ULK4: variants seen among roughly 807,000 people sequenced by gnomAD.
ULK4 encodes the protein unc-51 like kinase 4.
A neutral mutation model predicts 160.6 loss-of-function variants in ULK4; 133 were observed. That is an observed-to-expected ratio of 0.83 (90% CI 0.72 to 0.96). The LOEUF is 0.96. Among genes scored for constraint, ULK4 ranks in the 40% least tolerant of loss-of-function variants. ULK4 has a pLI of 0.00. For missense variants in ULK4, 1,580 were observed against 1,499.5 expected (o/e 1.05, Z -0.89); for synonymous variants, 534 against 539.8 (o/e 0.99, Z 0.15).
chr3:41,398,517 G>A (rs1023722579), intron 34 of ULK4, among the ~76,000 whole-genome samples: 7 of 150,702 alleles, frequency 4.6e-5, no homozygotes, highest in Non-Finnish European at 1.5e-5. Flanking sequence ...CTGAGTAGCT[G>A]GGAATAAAGA....
intron 17 of ULK4, chr3:41,882,307 T>A (rs1227564275): frequency 1.4e-6 from 1 of 702,338 alleles, no homozygotes; most frequent in African/African-American, 1.7e-5. Flanking sequence ...AATAAATACA[T>A]AAAATGCCAG....
intron 5 of ULK4, among the ~76,000 whole-genome samples, chr3:41,929,960 C>T (rs1000659697): frequency 2.0e-5 from 3 of 152,170 alleles, no homozygotes; most frequent in Non-Finnish European, 2.9e-5. Context: ...CTACCATTGA[C>T]TTTCTTCACA....
intron 32 of ULK4, among the ~76,000 whole-genome samples, chr3:41,521,948 G>A (rs1251275300): frequency 6.6e-6 from 1 of 151,966 alleles, no homozygotes; most frequent in African/African-American, 2.4e-5. Flanking sequence ...TAACTTTTTT[G>A]GAAGATAGCT....
chr3:41,512,559 C>A (rs2085614460), intron 32 of ULK4, among the ~76,000 whole-genome samples: 1 of 152,070 alleles, frequency 6.6e-6, no homozygotes, highest in Non-Finnish European at 1.5e-5. Flanking sequence ...TCAGAATATA[C>A]CTAACCAAGG....
Position 41,567,601 on chromosome 3 carries a change from C to T in ULK4, c.3121-1471G>A, listed in dbSNP as rs142498757. 2.6e-3 allele frequency among the ~76,000 whole-genome samples: 391 copies of T among 151,974 alleles called. 2 individuals carry two copies. The highest frequency in any genetic ancestry group is 9.1e-3 in the African/African-American group (379 of 41,438). On this transcript the variant is annotated intron_variant, in intron 31 of 36. Transcript: ENST00000301831. The stretch of plus-strand genomic sequence containing the variant: ...AGGTGGGACTACAGGCATGCACCGT[C>T]ATACCCGGCTAATTTTTTGTTTTGT...
chr3:41,379,223 A>C (rs2081592179), intron 35 of ULK4, among the ~76,000 whole-genome samples: 1 of 152,196 alleles, frequency 6.6e-6, no homozygotes. Flanking sequence ...ATAGTGAAAA[A>C]AGAAAAAAAA....
At chr3:41,929,011 A>G (rs1312601614) in intron 5 of ULK4, among the ~76,000 whole-genome samples, 1 of 152,094 alleles carries the variant, frequency 6.6e-6, no homozygotes. Context: ...CATCATCCTG[A>G]TACCAAAGCC....
At chr3:41,648,854 C>T (rs1040925871) in intron 30 of ULK4, among the ~76,000 whole-genome samples, 1 of 152,162 alleles carries the variant, frequency 6.6e-6, no homozygotes, top group Non-Finnish European at 1.5e-5. Flanking sequence ...CAGAAGTAGG[C>T]TAGGCATGGT....
chr3:41,948,702 T>C (rs1260738421), intron 2 of ULK4, among the ~76,000 whole-genome samples: 2 of 138,090 alleles, frequency 1.4e-5, no homozygotes, highest in African/African-American at 5.4e-5. Flanking sequence ...AAAATGCACT[T>C]GGCAAAATTC....
intron 35 of ULK4, among the ~76,000 whole-genome samples, chr3:41,349,426 C>A (rs1177619642): frequency 2.6e-5 from 4 of 152,114 alleles, no homozygotes; most frequent in Non-Finnish European, 5.9e-5. Context: ...GCCTCTAGGT[C>A]CATTTGACTT....
intron 35 of ULK4, among the ~76,000 whole-genome samples, chr3:41,370,486 C>G (rs1575477884): frequency 6.6e-6 from 1 of 152,272 alleles, no homozygotes; most frequent in Middle Eastern, 3.4e-3. Flanking sequence ...ACTGGTTAGA[C>G]AGTGCGTACA....
At chr3:41,829,367 G>A (rs553838951) in intron 18 of ULK4, among the ~76,000 whole-genome samples, 47 of 146,224 alleles carry the variant, frequency 3.2e-4, no homozygotes, top group African/African-American at 1.1e-3. Flanking sequence ...GCAACCTACA[G>A]AATGGGAGAA....
At chr3:41,723,209 TGAAGG>T (rs982689386) in intron 22 of ULK4, among the ~76,000 whole-genome samples, 1 of 152,032 alleles carries the variant, frequency 6.6e-6, no homozygotes, top group Non-Finnish European at 1.5e-5. Flanking sequence ...CTCAGGAAAA[TGAAGG>T]GAAAAGAGGA....
In ULK4 at chr3:41,902,199, G is replaced by A. The variant is rs189029043; in HGVS notation, c.1183-1370C>T. On this transcript the variant is annotated intron_variant, in intron 12 of 36. Coordinates refer to ENST00000301831, the MANE Select transcript of ULK4 (RefSeq NM_017886.4). The stretch of plus-strand genomic sequence containing the variant: ...AAATTACCCAAAACTGAGTGAGGAA[G>A]GGGCATGGATAAAGGAACAGAGGAG... 1.9e-3 allele frequency among the ~76,000 whole-genome samples: 295 copies of A among 152,290 alleles called. 1 individual carries two copies. Among genetic ancestry groups the A allele is most frequent in the African/African-American group, 7.0e-3 (289 of 41,578 alleles).
chr3:41,894,859 T>C (rs1360127147), intron 16 of ULK4, among the ~76,000 whole-genome samples: 1 of 152,172 alleles, frequency 6.6e-6, no homozygotes, highest in Non-Finnish European at 1.5e-5. Context: ...CAAGTCTTAT[T>C]GGCAAACAGA....
At chr3:41,324,611 C>A (rs10212492) in intron 35 of ULK4, among the ~76,000 whole-genome samples, 2 of 151,986 alleles carry the variant, frequency 1.3e-5, no homozygotes, top group Admixed American at 1.3e-4. Flanking sequence ...GGCTTGCTCA[C>A]CTATTCAGAA....
chr3:41,720,798 C>A lies in ULK4; in HGVS notation c.2322-2937G>T, dbSNP rs149298564. On this transcript the variant is annotated intron_variant, in intron 22 of 36. Coordinates refer to ENST00000301831, the MANE Select transcript of ULK4 (RefSeq NM_017886.4). ...AGTTCATTGCTGTTGGAAATGTAAT[C>A]GAGTATAAATCCCAGGCAGAGTGAG... 1.7e-3 allele frequency among the ~76,000 whole-genome samples: 260 copies of A among 152,162 alleles called. 2 individuals are homozygous for A. Among genetic ancestry groups the A allele is most frequent in the African/African-American group, 5.9e-3 (244 of 41,494 alleles).
intron 20 of ULK4, among the ~76,000 whole-genome samples, chr3:41,799,479 C>A (rs1223321447): frequency 6.6e-6 from 1 of 152,124 alleles, no homozygotes; most frequent in Non-Finnish European, 1.5e-5. Context: ...AATGGGGATG[C>A]TAACAGGGAA....
chr3:41,962,058 T>A lies in ULK4; in HGVS notation c.-91A>T, dbSNP rs536102405. On this transcript the variant is annotated 5_prime_UTR_variant, in exon 1 of 37. Coordinates refer to ENST00000301831, the MANE Select transcript of ULK4 (RefSeq NM_017886.4). ...AAAAGAGTCCAGTCCACTTGGCTGC[T>A]CCCGCGGTTGCGCGCATCTCGGCCT... The A allele has an allele frequency of 6.6e-6, 1 of 152,544 alleles. No individual in the cohort carries two copies. Among genetic ancestry groups the A allele is most frequent in the East Asian group, 1.9e-4 (1 of 5,192 alleles). The allele number at this position is 152,544 out of a possible 1,614,324, so 9.4% of individuals were successfully genotyped here.
Sources: gnomAD v4.1 joint callset for allele counts (sites outside exome capture counted in the v4.1 genomes callset) on GRCh38, gnomAD v4.1.1 for gene constraint, MANE v1.5 for transcripts, NCBI Gene and HGNC (gene_info 2026-07-23, HGNC 2026-07-21) for gene names.